Variants in DOCK2 observed in about 807,000 individuals in gnomAD.
DOCK2 encodes dedicator of cytokinesis protein 2.
In DOCK2, 87 loss-of-function variants were observed where a neutral mutation model predicts 248.9. That is an observed-to-expected ratio of 0.35 (90% CI 0.29 to 0.42). The LOEUF is 0.42. Ranked by LOEUF, DOCK2 falls within the 10% of genes least tolerant of loss-of-function variation. The probability of loss-of-function intolerance (pLI) is 1.00; values close to 1 mark genes in which losing one functional copy is unlikely to be tolerated. For missense variants in DOCK2, 1,747 were observed against 2,300.2 expected, an observed-to-expected ratio of 0.76 and a Z score of 4.92; for synonymous variants, 805 against 821.6, an observed-to-expected ratio of 0.98 and a Z score of 0.35.
At chr5:170,022,981 C>T (rs1322338450) in intron 33 of DOCK2, among the ~76,000 whole-genome samples, 1 of 152,178 alleles carries the variant, frequency 6.6e-6, no homozygotes, top group African/African-American at 2.4e-5. Flanking sequence ...CTAATGACTG[C>T]TTGAGTAATC....
chr5:170,011,905 G>A (rs536588142), intron 32 of DOCK2, among the ~76,000 whole-genome samples: 4 of 152,306 alleles, frequency 2.6e-5, no homozygotes, highest in African/African-American at 9.6e-5. Flanking sequence ...TGAGAATGAA[G>A]GAGCAGGTCT....
intron 26 of DOCK2, among the ~76,000 whole-genome samples, chr5:169,827,302 C>T (rs1232882535): frequency 6.6e-6 from 1 of 152,060 alleles, no homozygotes; most frequent in African/African-American, 2.4e-5. Context: ...GAGCTGCAAC[C>T]TGCTGTTTAG....
intron 39 of DOCK2, 107 bp downstream of exon 39, chr5:170,046,012 G>A: frequency 1.9e-6 from 2 of 1,036,934 alleles, no homozygotes; most frequent in Admixed American, 1.8e-5. Flanking sequence ...CGGGGTTAGG[G>A]AAATAGAAAA....
chr5:170,050,734 A>G (rs900364145), intron 41 of DOCK2, among the ~76,000 whole-genome samples: 3 of 151,518 alleles, frequency 2.0e-5, no homozygotes, highest in African/African-American at 4.9e-5. Flanking sequence ...GTAAGTTCCC[A>G]TCTCCCACGG....
intron 1 of DOCK2, among the ~76,000 whole-genome samples, chr5:169,646,481 C>G (rs927775141): frequency 1.3e-5 from 2 of 152,192 alleles, no homozygotes; most frequent in Non-Finnish European, 2.9e-5. Flanking sequence ...GAAGTTGCCC[C>G]TTTTCACCTT....
At chr5:169,981,689 G>A (rs1777941399) in intron 27 of DOCK2, among the ~76,000 whole-genome samples, 1 of 152,046 alleles carries the variant, frequency 6.6e-6, no homozygotes, top group Admixed American at 6.6e-5. Context: ...TGATCAGTCA[G>A]CAGCCATCAG....
chr5:169,793,768 T>C (rs951984559), intron 25 of DOCK2, among the ~76,000 whole-genome samples: 12 of 152,162 alleles, frequency 7.9e-5, no homozygotes, highest in Admixed American at 1.3e-4. Flanking sequence ...ATTAAACCCC[T>C]GTTTCCTGCA....
intron 30 of DOCK2, among the ~76,000 whole-genome samples, chr5:170,007,346 A>G (rs1341720757): frequency 6.6e-6 from 1 of 152,192 alleles, no homozygotes; most frequent in African/African-American, 2.4e-5. Flanking sequence ...GCATCTTGCA[A>G]TAATTGCCCT....
chr5:170,057,363 T>C, intron 43 of DOCK2: 1 of 606,092 alleles, frequency 1.6e-6, no homozygotes, highest in Non-Finnish European at 3.0e-6. Flanking sequence ...AGTACTTACT[T>C]GGCCTAAGTC....
intron 38 of DOCK2, among the ~76,000 whole-genome samples, chr5:170,042,491 A>T (rs189382075): frequency 2.6e-5 from 4 of 152,158 alleles, no homozygotes. Flanking sequence ...AAATTACACA[A>T]TCCTTCCCAT....
chr5:169,800,928 T>C (rs1038279383), intron 25 of DOCK2, among the ~76,000 whole-genome samples: 2 of 142,490 alleles, frequency 1.4e-5, no homozygotes, highest in African/African-American at 5.5e-5. Context: ...CTTTTTCTTT[T>C]TTCTTTTCTT....
chr5:169,992,631 A>T (rs918493078), intron 29 of DOCK2, among the ~76,000 whole-genome samples: 1 of 152,044 alleles, frequency 6.6e-6, no homozygotes, highest in Admixed American at 6.6e-5. Flanking sequence ...CGCCCAGCTA[A>T]TTTTTGTATT....
At chr5:170,039,476 C>T (rs1305199609) in intron 36 of DOCK2, among the ~76,000 whole-genome samples, 2 of 152,220 alleles carry the variant, frequency 1.3e-5, no homozygotes, top group South Asian at 2.1e-4. Context: ...ATCTCTAAGG[C>T]CTGTTATAGC....
intron 10 of DOCK2, 137 bp downstream of exon 10, chr5:169,696,075 A>G: frequency 8.3e-7 from 1 of 1,198,966 alleles, no homozygotes; most frequent in South Asian, 1.9e-5. Context: ...GCCCTTAATA[A>G]CTACATTTCT....
chr5:169,883,474 T>A (rs1272187702), intron 27 of DOCK2: 1 of 1,551,648 alleles, frequency 6.4e-7, no homozygotes, highest in Non-Finnish European at 8.7e-7. Context: ...AGACACAATG[T>A]CCTGTTCAGA....
chr5:169,739,107 T>C (rs1036383300), intron 22 of DOCK2, among the ~76,000 whole-genome samples: 1 of 152,242 alleles, frequency 6.6e-6, no homozygotes, highest in Non-Finnish European at 1.5e-5. Context: ...ACACCAAATG[T>C]CAGGGCTCTC....
At chr5:169,673,914 C>T (rs1759184480) in intron 5 of DOCK2, among the ~76,000 whole-genome samples, 3 of 152,168 alleles carry the variant, frequency 2.0e-5, no homozygotes, top group Admixed American at 6.5e-5. Context: ...AGAATGCTGC[C>T]CTAGAAGCAG....
chr5:170,008,802 A>G lies in DOCK2; in HGVS notation c.3232+56A>G, dbSNP rs886356388. 10 of 1,605,222 alleles carry G rather than the reference A, an allele frequency of 6.2e-6. No homozygotes were observed. The African/African-American group carries it at 1.2e-4, about 19-fold the overall frequency. ...ATCTGCAGGCACCAAACTCCTTCTT[A>G]AAGACCATCTGTTGGAGGGCCACAG... On this transcript the variant is annotated intron_variant, in intron 32 of 51. Transcript: ENST00000520908.
intron 29 of DOCK2, among the ~76,000 whole-genome samples, chr5:169,988,111 G>A (rs1778116036): frequency 6.6e-6 from 1 of 152,154 alleles, no homozygotes; most frequent in Non-Finnish European, 1.5e-5. Flanking sequence ...GACTAAAGAA[G>A]CATGTGTTAA....
Sources: allele counts gnomAD v4.1 joint callset (sites outside exome capture counted in the v4.1 genomes callset), GRCh38; gene constraint gnomAD v4.1.1; transcripts MANE v1.5; gene names NCBI Gene and HGNC (gene_info 2026-07-23, HGNC 2026-07-21).